The following NOL9 variants were observed in gnomAD, a reference collection of about 807,000 sequenced individuals.
NOL9 encodes polynucleotide 5'-hydroxyl-kinase NOL9.
Under a neutral mutation model 67.9 loss-of-function variants are expected in NOL9, and 28 were observed. The ratio of observed to expected loss-of-function variants is 0.41; its 90% CI spans 0.31 to 0.57. The LOEUF (loss-of-function observed/expected upper bound fraction) is 0.57, where lower values mean the gene tolerates loss of function less well. Among genes scored for constraint, NOL9 ranks in the 20% least tolerant of loss-of-function variants. NOL9 has a pLI of 0.25. For missense variants in NOL9, 777 were observed against 897.0 expected (o/e 0.87, Z 1.71); for synonymous variants, 356 against 352.2 (o/e 1.01, Z -0.12).
chr1:6,532,107 T>C (rs770558625), intron 8 of NOL9, 28 bp from the exon 9 acceptor site: 2 of 1,559,786 alleles, frequency 1.3e-6, no homozygotes, highest in East Asian at 4.5e-5. Context: ...ACAAGGTAAG[T>C]AGACATTTAA....
At chr1:6,554,015 G>A in intron 1 of NOL9, 92 bp downstream of exon 1, 1 of 1,075,832 alleles carries the variant, frequency 9.3e-7, no homozygotes, top group African/African-American at 1.7e-5. Context: ...AGGCCCGGGG[G>A]ACCACGGTCC....
chr1:6,529,361 C>T (rs558270717), intron 9 of NOL9, among the ~76,000 whole-genome samples, 190 bp from the exon 10 acceptor site: 17 of 152,058 alleles, frequency 1.1e-4, no homozygotes, highest in Admixed American at 8.5e-4. Context: ...GAGGCCGACG[C>T]GGGTGGATCA....
intron 5 of NOL9, among the ~76,000 whole-genome samples, chr1:6,542,164 T>C (rs1430891607): frequency 1.6e-3 from 1 of 610 alleles, no homozygotes; most frequent in East Asian, 0.1. Context: ...CTCTTTCAGA[T>C]TTTTTTTTTT....
chr1:6,548,617 T>C, intron 3 of NOL9: 1 of 371,342 alleles, frequency 2.7e-6, no homozygotes, highest in South Asian at 2.3e-5. Context: ...GTCAGAAAGC[T>C]AAATAAAAAA....
At chr1:6,540,411 C>G (rs1639258770) in intron 6 of NOL9, among the ~76,000 whole-genome samples, 1 of 152,092 alleles carries the variant, frequency 6.6e-6, no homozygotes, top group African/African-American at 2.4e-5. Context: ...CATGAGCCAC[C>G]AAGCCCAGCC....
intron 10 of NOL9, among the ~76,000 whole-genome samples, chr1:6,527,524 G>A (rs1308545723): frequency 6.6e-6 from 1 of 151,776 alleles, no homozygotes; most frequent in Non-Finnish European, 1.5e-5. Context: ...GCGCGCACCT[G>A]TAATCCCAGC....
rs772732529 is a variant in NOL9 at position 6,532,072 on chromosome 1, G to A, written c.1543C>T (p.His515Tyr). ...FRITPRNRES[H>Y]NKILRDLSIL... ...GACAGATCTCGAAGAATTTTGTTAT[G>A]TGACTCTCTGAAAGGCAAATCACAA... The change falls in exon 9 of 12, where the codon CAT becomes TAT. Residue 515 changes from histidine (H) to tyrosine (Y), a missense_variant. Coordinates refer to ENST00000377705, the MANE Select transcript of NOL9 (RefSeq NM_024654.5). The A allele has an allele frequency of 5.0e-6, 8 of 1,613,284 alleles. No homozygotes were observed. The highest frequency in any genetic ancestry group is 5.9e-6 in the Non-Finnish European group (7 of 1,179,336).
chr1:6,552,618 G>A (rs191332296), intron 1 of NOL9, among the ~76,000 whole-genome samples: 1 of 150,650 alleles, frequency 6.6e-6, no homozygotes, highest in African/African-American at 2.4e-5. Flanking sequence ...GCCCACCTAG[G>A]CCTCCAAAAG....
At chr1:6,541,224 G>A (rs535976834) in intron 6 of NOL9, among the ~76,000 whole-genome samples, 60 of 152,002 alleles carry the variant, frequency 3.9e-4, no homozygotes, top group African/African-American at 1.4e-3. Context: ...TTGCTCTGCC[G>A]CCCAGGCTGG....
intron 5 of NOL9, among the ~76,000 whole-genome samples, chr1:6,543,553 T>C (rs750240898): frequency 2.6e-5 from 4 of 152,064 alleles, no homozygotes; most frequent in Non-Finnish European, 4.4e-5. Flanking sequence ...CAGGCTGGAG[T>C]GCAATGGTGT....
chr1:6,544,553 C>CCA (rs1639377641), intron 5 of NOL9, among the ~76,000 whole-genome samples: 2 of 38,164 alleles, frequency 5.2e-5, no homozygotes, highest in South Asian at 2.8e-3. Flanking sequence ...ACCCCCCCCC[C>CCA]GCCCCCCACC....
chr1:6,535,062 G>A (rs1394068678), intron 6 of NOL9, among the ~76,000 whole-genome samples: 1 of 152,080 alleles, frequency 6.6e-6, no homozygotes, highest in Non-Finnish European at 1.5e-5. Flanking sequence ...CGCCTGCCTC[G>A]GCCTGCCACA....
At chr1:6,532,326 G>A (rs1639047353) in intron 8 of NOL9, 137 bp downstream of exon 8, 8 of 843,940 alleles carry the variant, frequency 9.5e-6, no homozygotes, top group Non-Finnish European at 3.7e-6. Flanking sequence ...GAAAACAACT[G>A]GTTCGTCTTT....
chr1:6,553,324 T>A, intron 1 of NOL9, among the ~76,000 whole-genome samples: 1 of 152,104 alleles, frequency 6.6e-6, no homozygotes, highest in Admixed American at 6.6e-5. Context: ...GCATCCACGT[T>A]AAGAATCAGG....
At chr1:6,537,537 T>C (rs985132765) in intron 6 of NOL9, among the ~76,000 whole-genome samples, 1 of 151,906 alleles carries the variant, frequency 6.6e-6, no homozygotes, top group Non-Finnish European at 1.5e-5. Context: ...AGAAAACAAA[T>C]AACCCAACTG....
intron 3 of NOL9, among the ~76,000 whole-genome samples, chr1:6,545,595 T>C (rs773026341): frequency 3.3e-5 from 5 of 152,134 alleles, no homozygotes; most frequent in Non-Finnish European, 7.4e-5. Context: ...AAGACAGGTC[T>C]GTGAAGTCCA....
chr1:6,529,223 C>A, intron 9 of NOL9, 52 bp from the exon 10 acceptor site: 1 of 1,512,456 alleles, frequency 6.6e-7, no homozygotes, highest in Middle Eastern at 1.7e-4. Flanking sequence ...TGAAAGACCA[C>A]TTAATTTCTA....
At chr1:6,535,975 G>A (rs118102691) in intron 6 of NOL9, among the ~76,000 whole-genome samples, 1,571 of 150,432 alleles carry the variant, frequency 0.01, 19 homozygotes, top group Middle Eastern at 0.067. Flanking sequence ...GACTTCAAAA[G>A]CAGTTATAAT....
intron 3 of NOL9, among the ~76,000 whole-genome samples, chr1:6,545,765 C>T (rs1287424428): frequency 2.0e-5 from 3 of 151,786 alleles, no homozygotes; most frequent in African/African-American, 7.3e-5. Flanking sequence ...AAATGTGAAG[C>T]AGGCTGGGCG....
Sources: gnomAD v4.1 joint callset for allele counts (sites outside exome capture counted in the v4.1 genomes callset) on GRCh38, gnomAD v4.1.1 for gene constraint, MANE v1.5 for transcripts, NCBI Gene and HGNC (gene_info 2026-07-23, HGNC 2026-07-21) for gene names.